Variants in ZMIZ1 observed in about 807,000 individuals in gnomAD.
The protein encoded by ZMIZ1 is zinc finger MIZ-type containing 1.
Under a neutral mutation model 113.9 loss-of-function variants are expected in ZMIZ1, and 17 were observed. The observed-to-expected ratio is 0.15, with a 90% confidence interval of 0.10 to 0.22. The LOEUF (loss-of-function observed/expected upper bound fraction) is 0.22, where lower values mean the gene tolerates loss of function less well. ZMIZ1 is among the 10% of genes least tolerant of loss of function. The probability of loss-of-function intolerance (pLI) is 1.00; values close to 1 mark genes in which losing one functional copy is unlikely to be tolerated. For missense variants in ZMIZ1, 1,059 were observed against 1,477.8 expected (o/e 0.72, Z 4.65); for synonymous variants, 607 against 603.1 (o/e 1.01, Z -0.09).
intron 4 of ZMIZ1, among the ~76,000 whole-genome samples, chr10:79,176,478 G>A (rs1017837534): frequency 6.6e-6 from 1 of 152,062 alleles, no homozygotes; most frequent in Non-Finnish European, 1.5e-5. Context: ...TCATACTGCT[G>A]GAATCCTGAG....
chr10:79,202,664 C>G (rs1339288358), intron 5 of ZMIZ1, among the ~76,000 whole-genome samples: 1 of 152,222 alleles, frequency 6.6e-6, no homozygotes, highest in Non-Finnish European at 1.5e-5. Context: ...CCTATTTGGA[C>G]TGCCGGGAGG....
At chr10:79,115,117 C>T (rs977084870) in intron 1 of ZMIZ1, among the ~76,000 whole-genome samples, 5 of 152,204 alleles carry the variant, frequency 3.3e-5, no homozygotes, top group Non-Finnish European at 5.9e-5. Context: ...CTGGTGCTTA[C>T]AGCACCCACA....
Position 79,297,647 on chromosome 10 carries a change from C to T in ZMIZ1, c.1448C>T (p.Ser483Leu), listed in dbSNP as rs1191796946. Reference sequence around the variant, plus strand: ...TTTAATGGACAAAATAACACGTTCTCGGGAAGCAGCTACAGTAACTACAGC... The same window carrying T: ...TTTAATGGACAAAATAACACGTTCTTGGGAAGCAGCTACAGTAACTACAGC... Reference protein sequence around the residue: ...EQFNGQNNTFSGSSYSNYSQG... With the variant: ...EQFNGQNNTFLGSSYSNYSQG... The change falls in exon 14 of 25, where the codon TCG (serine) becomes TTG (leucine). Residue 483 changes from serine to leucine, a missense_variant. Physicochemically the swap from Ser to Leu is moderately radical, Grantham distance 145. Transcript: ENST00000334512. 21 of 1,613,942 alleles carry T rather than the reference C, an allele frequency of 1.3e-5. No individual in the cohort carries two copies. Among genetic ancestry groups the T allele is most frequent in the South Asian group, 2.2e-5 (2 of 91,084 alleles).
At chr10:79,175,647 C>G (rs1846825684) in intron 4 of ZMIZ1, among the ~76,000 whole-genome samples, 1 of 142,252 alleles carries the variant, frequency 7.0e-6, no homozygotes, top group African/African-American at 2.8e-5. Context: ...TTTACAGACC[C>G]GCATGTATGT....
At chr10:79,264,180 G>A (rs1206133133) in intron 7 of ZMIZ1, among the ~76,000 whole-genome samples, 4 of 152,200 alleles carry the variant, frequency 2.6e-5, no homozygotes, top group Non-Finnish European at 5.9e-5. Context: ...GATGGAGTGG[G>A]ACTGTTGACC....
chr10:79,232,670 C>G (rs1849437205), intron 7 of ZMIZ1, among the ~76,000 whole-genome samples: 4 of 152,142 alleles, frequency 2.6e-5, no homozygotes, highest in African/African-American at 9.7e-5. Context: ...CTAACATCAT[C>G]CTACTACTAC....
At chr10:79,138,312 C>G (rs1241223169) in intron 2 of ZMIZ1, among the ~76,000 whole-genome samples, 1 of 152,236 alleles carries the variant, frequency 6.6e-6, no homozygotes, top group Non-Finnish European at 1.5e-5. Flanking sequence ...TCCAGATCTA[C>G]CTAGAAAGGG....
At chr10:79,218,701 C>T (rs918324752) in intron 7 of ZMIZ1, among the ~76,000 whole-genome samples, 2 of 151,826 alleles carry the variant, frequency 1.3e-5, no homozygotes, top group African/African-American at 2.4e-5. Context: ...GAGGGCAGAC[C>T]ACTCTGGGGT....
chr10:79,127,341 G>A (rs753501403), intron 2 of ZMIZ1, among the ~76,000 whole-genome samples: 5 of 152,148 alleles, frequency 3.3e-5, no homozygotes, highest in South Asian at 2.1e-4. Flanking sequence ...TCAGCAGAGC[G>A]CCAGCCATGG....
At chr10:79,124,775 C>T (rs1844442734) in intron 2 of ZMIZ1, among the ~76,000 whole-genome samples, 1 of 152,182 alleles carries the variant, frequency 6.6e-6, no homozygotes, top group Admixed American at 6.5e-5. Flanking sequence ...GGGGTCTCTG[C>T]ACAACTGGGT....
chr10:79,286,182 C>T (rs757657086), intron 8 of ZMIZ1, among the ~76,000 whole-genome samples: 8 of 152,322 alleles, frequency 5.3e-5, no homozygotes, highest in Non-Finnish European at 7.3e-5. Flanking sequence ...AAACTGTGCT[C>T]GTCGGAGAGA....
chr10:79,297,783 C>G (rs547856446), intron 14 of ZMIZ1, 93 bp downstream of exon 14: 3 of 1,127,386 alleles, frequency 2.7e-6, no homozygotes, highest in South Asian at 1.3e-5. Context: ...TCTGGACATT[C>G]AAAGGGGCCC....
chr10:79,292,792 G>A (rs902474853), intron 11 of ZMIZ1: 8 of 464,258 alleles, frequency 1.7e-5, no homozygotes, highest in Admixed American at 4.7e-5. Flanking sequence ...CCCCAGTGCT[G>A]CTCCCTGACC....
chr10:79,254,448 C>T (rs568477312), intron 7 of ZMIZ1, among the ~76,000 whole-genome samples: 1 of 152,358 alleles, frequency 6.6e-6, no homozygotes, highest in South Asian at 2.1e-4. Flanking sequence ...CCGGGCTGGA[C>T]GGCCCTTGGC....
At chr10:79,307,270 C>T (rs1224725082) in intron 22 of ZMIZ1, 135 bp from the exon 23 acceptor site, 8 of 837,494 alleles carry the variant, frequency 9.6e-6, no homozygotes, top group East Asian at 2.6e-5. Flanking sequence ...CCGGAAGCCT[C>T]GGGCTGCTGT....
At chr10:79,168,323 C>G (rs990069613) in intron 4 of ZMIZ1, among the ~76,000 whole-genome samples, 1 of 152,216 alleles carries the variant, frequency 6.6e-6, no homozygotes, top group Non-Finnish European at 1.5e-5. Flanking sequence ...TTTGAGTGTA[C>G]TGAGCCAACA....
intron 7 of ZMIZ1, among the ~76,000 whole-genome samples, chr10:79,230,297 T>C (rs1023674717): frequency 1.3e-5 from 2 of 152,088 alleles, no homozygotes; most frequent in Non-Finnish European, 2.9e-5. Flanking sequence ...GCTGCTCGGC[T>C]CTGCCAGGGT....
At chr10:79,105,380 C>T (rs1212111490) in intron 1 of ZMIZ1, among the ~76,000 whole-genome samples, 2 of 152,210 alleles carry the variant, frequency 1.3e-5, no homozygotes, top group Non-Finnish European at 2.9e-5. Context: ...GGCCATTGGC[C>T]CACCTCTCTG....
intron 3 of ZMIZ1, among the ~76,000 whole-genome samples, chr10:79,142,156 C>T (rs1391078893): frequency 1.3e-5 from 2 of 152,108 alleles, no homozygotes; most frequent in East Asian, 3.9e-4. Context: ...GGGAGGGCTG[C>T]GTGAAGCTGA....
Sources: gnomAD v4.1 joint callset for allele counts (sites outside exome capture counted in the v4.1 genomes callset) on GRCh38, gnomAD v4.1.1 for gene constraint, MANE v1.5 for transcripts, NCBI Gene and HGNC (gene_info 2026-07-23, HGNC 2026-07-21) for gene names.